The following KNDC1 variants were observed in gnomAD, a reference collection of about 807,000 sequenced individuals.
KNDC1 encodes kinase non-catalytic C-lobe domain containing 1.
In KNDC1, 106 loss-of-function variants were observed where a neutral mutation model predicts 172.8. The observed-to-expected ratio is 0.61, with a 90% CI of 0.52 to 0.72. KNDC1 has a LOEUF of 0.72. KNDC1 is among the 30% of genes least tolerant of loss of function. The pLI is 0.00. For missense variants in KNDC1, 2,325 were observed against 2,394.5 expected, an observed-to-expected ratio of 0.97 and a Z score of 0.61; for synonymous variants, 1,083 against 1,062.2, an observed-to-expected ratio of 1.02 and a Z score of -0.38.
At chr10:133,177,676 T>C (rs1214087453) in intron 3 of KNDC1, among the ~76,000 whole-genome samples, 1 of 152,136 alleles carries the variant, frequency 6.6e-6, no homozygotes, top group Non-Finnish European at 1.5e-5. Context: ...GGTGTGTATA[T>C]CATGGGCACA....
chr10:133,202,812 C>G (rs112673054), intron 17 of KNDC1: 2 of 380,184 alleles, frequency 5.3e-6, no homozygotes, highest in African/African-American at 4.2e-5. Flanking sequence ...CGTGAAAGAC[C>G]CGCATGGTGC....
At chr10:133,196,107 A>G (rs967343580) in intron 10 of KNDC1, among the ~76,000 whole-genome samples, 1 of 152,168 alleles carries the variant, frequency 6.6e-6, no homozygotes, top group African/African-American at 2.4e-5. Flanking sequence ...CAGCTTGTCC[A>G]AGAGGCCAGG....
chr10:133,189,872 TC>T, intron 9 of KNDC1, 59 bp downstream of exon 9: 1 of 1,383,502 alleles, frequency 7.2e-7, no homozygotes, highest in Non-Finnish European at 1.0e-6. Flanking sequence ...GGATGCCACG[TC>T]CCCCATCTGT....
Position 133,224,711 on chromosome 10 carries a change from A to G in KNDC1, c.5071A>G (p.Thr1691Ala), listed in dbSNP as rs749426993. Residue 1691 changes from threonine (T) to alanine (A), a missense_variant, in exon 30 of 30, where the codon ACC becomes GCC. Coordinates refer to ENST00000304613, the MANE Select transcript of KNDC1 (RefSeq NM_152643.8). The surrounding 1 kb of genome is among the most constrained non-coding windows in gnomAD (Gnocchi z 5.4). ...QVHAFQENPY[T>A]FSPDPKLQSY... Reference sequence around the variant, plus strand: ...GCACGCGTTCCAGGAGAACCCTTACACCTTCAGCCCCGACCCCAAGCTCCA... The same window carrying G: ...GCACGCGTTCCAGGAGAACCCTTACGCCTTCAGCCCCGACCCCAAGCTCCA... The G allele has an allele frequency of 7.4e-6, 12 of 1,613,772 alleles. No individual in the cohort carries two copies. In the East Asian group the frequency reaches 2.0e-4, roughly 27 times the overall value.
chr10:133,198,509 G>A lies in KNDC1; in HGVS notation c.2069+10G>A, dbSNP rs559503214. ...ACGCAAGTGTGGCCAGGTGAGCATCGTCCCCACACCCCGGAGCTGCTGGGT... is the reference window on the plus strand; with the variant it reads ...ACGCAAGTGTGGCCAGGTGAGCATCATCCCCACACCCCGGAGCTGCTGGGT... On this transcript the variant is annotated intron_variant, in intron 13 of 29. Coordinates refer to ENST00000304613, the MANE Select transcript of KNDC1 (RefSeq NM_152643.8). The A allele has an allele frequency of 9.4e-6, 15 of 1,595,224 alleles. No individual in the cohort carries two copies. Among genetic ancestry groups the A allele is most frequent in the African/African-American group, 6.7e-5 (5 of 74,768 alleles).
intron 11 of KNDC1, 63 bp from the exon 12 acceptor site, chr10:133,197,612 G>A: frequency 7.9e-7 from 1 of 1,266,868 alleles, no homozygotes; most frequent in Non-Finnish European, 1.1e-6. Context: ...ACGCCCTGTG[G>A]GTGTTGCCGG....
intron 3 of KNDC1, among the ~76,000 whole-genome samples, chr10:133,182,159 G>C (rs1222443621): frequency 1.3e-5 from 2 of 152,170 alleles, no homozygotes; most frequent in Non-Finnish European, 2.9e-5. Context: ...GGGGCCGCGG[G>C]ATGCAGGGCT....
At chr10:133,221,924 T>G (rs12358720) in intron 29 of KNDC1, among the ~76,000 whole-genome samples, 7 of 67,896 alleles carry the variant, frequency 1.0e-4, no homozygotes, top group Non-Finnish European at 1.7e-4. Context: ...TAGGCCGGGC[T>G]GGGTGCAGCC....
intron 4 of KNDC1, 129 bp from the exon 5 acceptor site, chr10:133,183,743 A>G: frequency 1.2e-6 from 1 of 819,252 alleles, no homozygotes; most frequent in South Asian, 1.8e-5. Flanking sequence ...AAAATGGGCA[A>G]GGCAGGCGCA....
rs757605170 is a variant in KNDC1, at chr10:133,198,384, C to T, written c.1954C>T (p.Pro652Ser). The T allele has an allele frequency of 1.9e-5, 30 of 1,596,954 alleles. 1 individual carries two copies. In the South Asian group the frequency reaches 3.2e-4, roughly 17 times the overall value. The change falls in exon 13 of 30, where the codon CCC becomes TCC. Residue 652 changes from proline to serine, a missense_variant. Pro to Ser is a moderately conservative substitution (Grantham distance 74, BLOSUM62 -1). Transcript: ENST00000304613. ...SDTGLVAVPG[P>S]VPGQHPCGEE... ...CACCGGGCTTGTGGCTGTGCCAGGGCCCGTGCCCGGCCAGCACCCCTGCGG... is the reference window on the plus strand; with the variant it reads ...CACCGGGCTTGTGGCTGTGCCAGGGTCCGTGCCCGGCCAGCACCCCTGCGG...
Position 133,213,645 on chromosome 10 carries a change from GAGTTGTTTCAAA to G in KNDC1, c.4448_4459del (p.Leu1483_Lys1486del). 6.2e-7 allele frequency: 1 copy of G among 1,613,882 alleles called. No individual in the cohort carries two copies. Among genetic ancestry groups the G allele is most frequent in the Non-Finnish European group, 8.5e-7 (1 of 1,179,790 alleles). On this transcript the variant is annotated inframe_deletion and splice_region_variant, in exon 25 of 30. Coordinates refer to ENST00000304613, the MANE Select transcript of KNDC1 (RefSeq NM_152643.8). ...CCTCTTGTTTCCATGTTCTGGGCAG[GAGTTGTTTCAAA>G]AGTGCCACCCGGTCCACTTCCTGAA...
rs781033990 is a variant in KNDC1, at chr10:133,160,504, G to T, written c.37G>T (p.Glu13Ter). The change falls in exon 1 of 30, where the codon GAG (glutamate) becomes TAG (stop). Residue 13 changes from glutamate (E) to a stop codon, truncating the protein, a stop_gained. Coordinates refer to ENST00000304613, the MANE Select transcript of KNDC1 (RefSeq NM_152643.8). LOFTEE classifies it high-confidence loss of function. Reference sequence around the variant, plus strand: ...GGACCCGGCCGCGGCGGATCTTTACGAGGAGGACGGCAAAGACCTGGACTT... The same window carrying T: ...GGACCCGGCCGCGGCGGATCTTTACTAGGAGGACGGCAAAGACCTGGACTT... Reference protein sequence around the residue: ...AMDPAAADLYEEDGKDLDFYD... With the variant: ...AMDPAAADLY The T allele has an allele frequency of 1.3e-6, 2 of 1,590,652 alleles. No homozygotes were observed. The highest frequency in any genetic ancestry group is 8.5e-7 in the Non-Finnish European group (1 of 1,170,424).
chr10:133,219,463 C>T (rs1845536307), intron 28 of KNDC1, among the ~76,000 whole-genome samples: 2 of 152,250 alleles, frequency 1.3e-5, no homozygotes, highest in Non-Finnish European at 2.9e-5. Context: ...AAGTGACCAG[C>T]CATCCCCAAA....
intron 1 of KNDC1, among the ~76,000 whole-genome samples, chr10:133,164,511 C>T (rs923667503): frequency 6.6e-6 from 1 of 152,228 alleles, no homozygotes; most frequent in African/African-American, 2.4e-5. Context: ...AGACAGGCGT[C>T]GGCCAGCTGA....
intron 28 of KNDC1, 147 bp downstream of exon 28, chr10:133,219,237 G>A: frequency 1.1e-6 from 1 of 944,560 alleles, no homozygotes; most frequent in Non-Finnish European, 1.6e-6. Context: ...GGAGGCCTTG[G>A]AGTCATCTCC....
Position 133,224,098 on chromosome 10 carries a change from C to T in KNDC1, c.5019-561C>T, listed in dbSNP as rs1218631275. 2.0e-5 allele frequency among the ~76,000 whole-genome samples: 3 copies of T among 152,224 alleles called. No individual in the cohort carries two copies. Among genetic ancestry groups the T allele is most frequent in the African/African-American group, 7.2e-5 (3 of 41,468 alleles). ...AATGGACGCCCCTTTCTTTGTCCCT[C>T]ACACTGGGCATGTGGTGTTTCCATC... On this transcript the variant is annotated intron_variant, in intron 29 of 29. Coordinates refer to ENST00000304613, the MANE Select transcript of KNDC1 (RefSeq NM_152643.8). This position sits in a 1 kb window ranked among gnomAD's most constrained non-coding sequence, Gnocchi z 5.4.
At chr10:133,218,338 C>T (rs999583844) in intron 26 of KNDC1, among the ~76,000 whole-genome samples, 3 of 152,256 alleles carry the variant, frequency 2.0e-5, no homozygotes, top group Admixed American at 2.0e-4. Context: ...TCACCGCCAG[C>T]CACAGAGCCC....
intron 5 of KNDC1, among the ~76,000 whole-genome samples, chr10:133,184,488 A>G (rs1853834856): frequency 6.6e-6 from 1 of 152,252 alleles, no homozygotes; most frequent in African/African-American, 2.4e-5. Context: ...CAAATAGATC[A>G]CATGTGCCTC....
rs370206569 is a variant in KNDC1, at chr10:133,200,366, C to T, written c.2904-9C>T. The stretch of plus-strand genomic sequence containing the variant: ...GGAGGTGGGGACTGACCTGCATTCT[C>T]GTCGTCAGCACGGCCGAGGAGGCTG... On this transcript the variant is annotated splice_polypyrimidine_tract_variant and intron_variant, in intron 15 of 29. Transcript: ENST00000304613. The T allele has an allele frequency of 1.6e-5, 25 of 1,578,690 alleles. No homozygotes were observed. Among genetic ancestry groups the T allele is most frequent in the African/African-American group, 4.1e-5 (3 of 72,656 alleles).
Sources: gnomAD v4.1 joint callset for allele counts (sites outside exome capture counted in the v4.1 genomes callset) on GRCh38, gnomAD v4.1.1 for gene constraint, Gnocchi (gnomAD v3.1) non-coding constraint, MANE v1.5 for transcripts, NCBI Gene and HGNC (gene_info 2026-07-23, HGNC 2026-07-21) for gene names.